Variants in DDX24 observed in about 807,000 individuals in gnomAD.
The protein encoded by DDX24 is DEAD-box helicase 24.
DDX24 carries 24 observed loss-of-function variants against 68.9 expected under a neutral mutation model. The ratio of observed to expected loss-of-function variants is 0.35; its 90% confidence interval spans 0.25 to 0.49. The LOEUF is 0.49. DDX24 is among the 20% of genes least tolerant of loss of function. The pLI, the probability that DDX24 is intolerant of heterozygous loss-of-function variation, is 0.99. For missense variants in DDX24, 989 were observed against 1,039.0 expected (o/e 0.95, Z 0.66); for synonymous variants, 395 against 385.2 (o/e 1.03, Z -0.30).
intron 2 of DDX24, among the ~76,000 whole-genome samples, chr14:94,065,341 T>G (rs1462365471): frequency 1.3e-5 from 2 of 148,214 alleles, no homozygotes; most frequent in Non-Finnish European, 3.0e-5. Context: ...TGTGAGCCAC[T>G]GCACCCGGCG....
In DDX24 at chr14:94,079,584, C is replaced by G; in HGVS notation, c.159G>C (p.Leu53Phe). 1 of 1,614,180 alleles carries G rather than the reference C, an allele frequency of 6.2e-7. No homozygotes were observed. The highest frequency in any genetic ancestry group is 8.5e-7 in the Non-Finnish European group (1 of 1,180,040). The stretch of plus-strand genomic sequence containing the variant: ...CAGGGGAGACCAACTGGTAATCTGT[C>G]AATTCCTCAAAGCACACCAAGTCAT... The part of the protein sequence containing the change: ...QMDDLVCFEE[L>F]TDYQLVSPAK... Residue 53 changes from leucine (L) to phenylalanine (F), a missense_variant, in exon 2 of 9, where the codon TTG becomes TTC. Physicochemically the swap from Leu to Phe is conservative, Grantham distance 22 (BLOSUM62 0). Coordinates refer to ENST00000621632, the MANE Select transcript of DDX24 (RefSeq NM_020414.4).
Position 94,079,405 on chromosome 14 carries a change from C to A in DDX24, c.338G>T (p.Ser113Ile). 1 of 1,614,078 alleles carries A rather than the reference C, an allele frequency of 6.2e-7. No individual in the cohort carries two copies. The highest frequency in any genetic ancestry group is 1.1e-5 in the South Asian group (1 of 91,082). Reference sequence around the variant, plus strand: ...TTTCACTTCAAATTCTTTCTGGGTACTGGTTCCTTCAGTTGCTACATTTTT... The same window carrying A: ...TTTCACTTCAAATTCTTTCTGGGTAATGGTTCCTTCAGTTGCTACATTTTT... ...KSKNVATEGT[S>I]TQKEFEVKDP... Residue 113 changes from serine to isoleucine, a missense_variant, in exon 2 of 9, where the codon AGT becomes ATT. Coordinates refer to ENST00000621632, the MANE Select transcript of DDX24 (RefSeq NM_020414.4).
In DDX24 at chr14:94,055,032, C is replaced by G; in HGVS notation, c.2142G>C (p.Leu714=). Residue 714 remains leucine, a synonymous_variant, in exon 7 of 9, where the codon CTG becomes CTC. Transcript: ENST00000621632. ...KTLKKDEDIP[L]FPVQTKYMDV... is the part of the protein sequence containing the mutation. ...CCATGTATTTTGTCTGCACGGGGAA[C>G]AGTGGGATATCCTCATCTTTCTTGA... 6.2e-7 allele frequency: 1 copy of G among 1,614,216 alleles called. No homozygotes were observed. Among genetic ancestry groups the G allele is most frequent in the Non-Finnish European group, 8.5e-7 (1 of 1,180,038 alleles).
intron 7 of DDX24, chr14:94,053,350 G>T: frequency 2.4e-5 from 6 of 245,658 alleles, no homozygotes; most frequent in Non-Finnish European, 3.0e-5. Flanking sequence ...ACCATGCCTA[G>T]GTAATTTCTT....
At chr14:94,080,703 C>A (rs1293740243) in intron 1 of DDX24, among the ~76,000 whole-genome samples, 1 of 149,760 alleles carries the variant, frequency 6.7e-6, no homozygotes, top group Non-Finnish European at 1.5e-5. Flanking sequence ...GGCAAAAAAA[C>A]AAAAAACAAA....
In DDX24 at chr14:94,062,449, T is replaced by G. The variant is rs1885617242; in HGVS notation, c.891A>C (p.Ala297=). 2 of 1,614,046 alleles carry G rather than the reference T, an allele frequency of 1.2e-6. No homozygotes were observed. The highest frequency in any genetic ancestry group is 2.7e-5 in the African/African-American group (2 of 74,912). Residue 297 remains alanine, a synonymous_variant, in exon 3 of 9, where the codon GCA becomes GCC. Coordinates refer to ENST00000621632, the MANE Select transcript of DDX24 (RefSeq NM_020414.4). ...SPGKAEAESD[A]LPDDTVIESE... ...TCTCAATTACAGTATCGTCAGGCAA[T>G]GCATCAGACTCAGCTTCAGCCTTGC...
Position 94,060,502 on chromosome 14 carries a change from C to G in DDX24, c.1509G>C (p.Thr503=). ...GGGTGAGTGTGGCAGAAAAAACAAGCGTTTGTCTCTTTGGGTTGTATTGGG... is the reference window on the plus strand; with the variant it reads ...GGGTGAGTGTGGCAGAAAAAACAAGGGTTTGTCTCTTTGGGTTGTATTGGG... ...NDSQYNPKRQ[T]LVFSATLTLV... The change falls in exon 5 of 9, where the codon ACG becomes ACC. Residue 503 remains threonine, a synonymous_variant. Transcript: ENST00000621632. 6.2e-7 allele frequency: 1 copy of G among 1,614,110 alleles called. No individual in the cohort carries two copies. Among genetic ancestry groups the G allele is most frequent in the Non-Finnish European group, 8.5e-7 (1 of 1,180,018 alleles).
intron 2 of DDX24, among the ~76,000 whole-genome samples, chr14:94,070,623 T>C (rs987399531): frequency 3.9e-5 from 6 of 152,100 alleles, no homozygotes; most frequent in East Asian, 1.9e-4. Flanking sequence ...TATAAGCCCA[T>C]AGTCACCAAA....
intron 6 of DDX24, chr14:94,056,203 T>G (rs1466391758): frequency 6.6e-6 from 1 of 152,236 alleles, no homozygotes; most frequent in Non-Finnish European, 1.5e-5. Context: ...GAAATATGTA[T>G]TTGCTCTTCA....
chr14:94,051,617 G>A, intron 8 of DDX24, 155 bp from the exon 9 acceptor site: 7 of 900,390 alleles, frequency 7.8e-6, no homozygotes, highest in South Asian at 5.7e-5. Flanking sequence ...CTTGGCAGGG[G>A]CTGTAAATGG....
At position 94,079,504 on chromosome 14, in the gene DDX24, G is replaced by A; in HGVS notation, c.239C>T (p.Ala80Val). 1 of 1,614,094 alleles carries A rather than the reference G, an allele frequency of 6.2e-7. No individual in the cohort carries two copies. The highest frequency in any genetic ancestry group is 1.1e-5 in the South Asian group (1 of 91,080). ...SKEAPKRKAQAVSEEEEEEEG... is the reference protein window; with the variant it reads ...SKEAPKRKAQVVSEEEEEEEG... Reference sequence around the variant, plus strand: ...CTCCTCCTCCTCTTCTTCTGAAACAGCTTGTGCCTTTCTCTTGGGTGCTTC... The same window carrying A: ...CTCCTCCTCCTCTTCTTCTGAAACAACTTGTGCCTTTCTCTTGGGTGCTTC... Residue 80 changes from alanine (A) to valine (V), a missense_variant, in exon 2 of 9, where the codon GCT becomes GTT. By Grantham distance (64) the Ala-to-Val change is moderately conservative. Coordinates refer to ENST00000621632, the MANE Select transcript of DDX24 (RefSeq NM_020414.4).
intron 2 of DDX24, among the ~76,000 whole-genome samples, chr14:94,072,242 G>C (rs1490785276): frequency 1.3e-5 from 2 of 152,190 alleles, no homozygotes; most frequent in African/African-American, 4.8e-5. Flanking sequence ...AGAAACTGTG[G>C]TATATACAGG....
chr14:94,059,349 A>G (rs1012555035), intron 5 of DDX24, among the ~76,000 whole-genome samples: 1 of 152,242 alleles, frequency 6.6e-6, no homozygotes, highest in African/African-American at 2.4e-5. Flanking sequence ...GACATCAGGA[A>G]TAAGAAATAG....
intron 1 of DDX24, among the ~76,000 whole-genome samples, chr14:94,080,785 G>T (rs923047154): frequency 6.6e-6 from 1 of 152,206 alleles, no homozygotes; most frequent in African/African-American, 2.4e-5. Context: ...AACCGGGCGA[G>T]GACACGGAGA....
At chr14:94,052,081 G>C (rs1885398682) in intron 8 of DDX24, among the ~76,000 whole-genome samples, 1 of 152,256 alleles carries the variant, frequency 6.6e-6, no homozygotes, top group African/African-American at 2.4e-5. Context: ...ATAGCTCACT[G>C]TCATCAAGCC....
rs1209715322 is a variant in DDX24, at chr14:94,079,175, C to G, written c.568G>C (p.Asp190His). 6.2e-7 allele frequency: 1 copy of G among 1,614,126 alleles called. No homozygotes were observed. Among genetic ancestry groups the G allele is most frequent in the African/African-American group, 1.3e-5 (1 of 74,932 alleles). Residue 190 changes from aspartate (D) to histidine (H), a missense_variant, in exon 2 of 9, where the codon GAT becomes CAT. By Grantham distance (81) the Asp-to-His change is moderately conservative. Coordinates refer to ENST00000621632, the MANE Select transcript of DDX24 (RefSeq NM_020414.4). Reference sequence around the variant, plus strand: ...AACAGGTCCTTCCAAGCTGACACATCTGCTTTCTGATCATGAACTTCAGGA... The same window carrying G: ...AACAGGTCCTTCCAAGCTGACACATGTGCTTTCTGATCATGAACTTCAGGA... ...WIPEVHDQKA[D>H]VSAWKDLFVP...
chr14:94,051,833 C>A (rs1220199367), intron 8 of DDX24: 2 of 195,940 alleles, frequency 1.0e-5, no homozygotes, highest in Non-Finnish European at 2.0e-5. Flanking sequence ...CTATGACCCA[C>A]CCACTTACTG....
At chr14:94,061,482 C>T (rs80330128) in intron 3 of DDX24, among the ~76,000 whole-genome samples, 12,166 of 152,224 alleles carry the variant, frequency 0.08, 517 homozygotes, top group Middle Eastern at 0.19. Flanking sequence ...CCACTAATGC[C>T]CTGTTGTTTT....
intron 2 of DDX24, among the ~76,000 whole-genome samples, chr14:94,072,242 G>A (rs1490785276): frequency 6.6e-6 from 1 of 152,308 alleles, no homozygotes; most frequent in African/African-American, 2.4e-5. Flanking sequence ...AGAAACTGTG[G>A]TATATACAGG....
Sources: allele counts gnomAD v4.1 joint callset (sites outside exome capture counted in the v4.1 genomes callset), GRCh38; gene constraint gnomAD v4.1.1; transcripts MANE v1.5; gene names NCBI Gene and HGNC (gene_info 2026-07-23, HGNC 2026-07-21).